The following INPP5F variants were observed in gnomAD, a reference collection of about 807,000 sequenced individuals.
INPP5F encodes phosphatidylinositide 4-phosphatase SAC2.
Under a neutral mutation model 137.2 loss-of-function variants are expected in INPP5F, and 97 were observed. The ratio of observed to expected loss-of-function variants is 0.71; its 90% confidence interval spans 0.60 to 0.84. The LOEUF is 0.84. Ranked by LOEUF, INPP5F falls within the 40% of genes least tolerant of loss-of-function variation. The pLI, the probability that INPP5F is intolerant of heterozygous loss-of-function variation, is 0.00. For synonymous variants in INPP5F, 504 were observed against 476.9 expected, an observed-to-expected ratio of 1.06 and a Z score of -0.74; for missense variants, 1,271 against 1,371.9, an observed-to-expected ratio of 0.93 and a Z score of 1.16.
chr10:119,788,690 G>C (rs540303730), intron 3 of INPP5F, among the ~76,000 whole-genome samples: 1 of 152,220 alleles, frequency 6.6e-6, no homozygotes, highest in Non-Finnish European at 1.5e-5. Context: ...ATTCTCACTT[G>C]TGTAAACATG....
chr10:119,773,143 G>A (rs563431843), intron 2 of INPP5F, among the ~76,000 whole-genome samples: 1 of 151,628 alleles, frequency 6.6e-6, no homozygotes, highest in Admixed American at 6.6e-5. Context: ...TGCAACCTTC[G>A]CCTCCTGGGG....
At chr10:119,819,589 AT>A in intron 15 of INPP5F, 1 of 1,467,860 alleles carries the variant, frequency 6.8e-7, no homozygotes, top group Non-Finnish European at 9.3e-7. Context: ...ATTTGGTATT[AT>A]TCTCTATGAA....
chr10:119,791,875 G>T lies in INPP5F; in HGVS notation c.451G>T (p.Glu151Ter), dbSNP rs750252864. Residue 151 changes from glutamate (E) to a stop codon, truncating the protein, a stop_gained, in exon 5 of 20, where the codon GAA becomes TAA. Coordinates refer to ENST00000650623, the MANE Select transcript of INPP5F (RefSeq NM_014937.4). LOFTEE classifies it high-confidence loss of function. Reference protein sequence around the residue: ...VSAPNKKKVKESKEKEKLERR... With the variant: ...VSAPNKKKVK ...GTAGATTAATTTCTTATAGGTTAAG[G>T]AAAGTAAAGAGAAGGAGAAGTTGGA... 2 of 1,602,488 alleles carry T rather than the reference G, an allele frequency of 1.2e-6. No homozygotes were observed. The highest frequency in any genetic ancestry group is 3.4e-5 in the Admixed American group (2 of 58,536).
In INPP5F at chr10:119,763,673, C is replaced by T. The variant is rs530168406; in HGVS notation, c.178+12517C>T. On this transcript the variant is annotated intron_variant, in intron 2 of 19. Coordinates refer to ENST00000650623, the MANE Select transcript of INPP5F (RefSeq NM_014937.4). Reference sequence around the variant, plus strand: ...CTTGGGCACACCTGTAGTGTTTTCCCCTGAACGGGCCTTTTTAAAAATTTC... The same window carrying T: ...CTTGGGCACACCTGTAGTGTTTTCCTCTGAACGGGCCTTTTTAAAAATTTC... 6.9e-4 allele frequency among the ~76,000 whole-genome samples: 105 copies of T among 152,324 alleles called. 1 individual carries two copies. The South Asian group carries it at 0.013, about 19-fold the overall frequency.
chr10:119,785,388 C>T (rs781021220), intron 3 of INPP5F, among the ~76,000 whole-genome samples: 2 of 149,660 alleles, frequency 1.3e-5, no homozygotes, highest in South Asian at 2.2e-4. Flanking sequence ...CGGGTTCAAA[C>T]GATTCTCCTG....
chr10:119,745,364 T>C (rs1474604140), intron 1 of INPP5F, among the ~76,000 whole-genome samples: 8 of 151,910 alleles, frequency 5.3e-5, no homozygotes, highest in East Asian at 3.9e-4. Context: ...CTTTTTTTTT[T>C]CTCGATCTCT....
intron 2 of INPP5F, among the ~76,000 whole-genome samples, chr10:119,776,908 G>T (rs1849541642): frequency 6.6e-6 from 1 of 151,962 alleles, no homozygotes; most frequent in Non-Finnish European, 1.5e-5. Context: ...GTACCACCAT[G>T]CCCAGATAAC....
chr10:119,821,487 T>C (rs949456500), intron 16 of INPP5F, among the ~76,000 whole-genome samples: 8 of 152,226 alleles, frequency 5.3e-5, no homozygotes, highest in African/African-American at 1.9e-4. Flanking sequence ...AGCACCTGTT[T>C]CCTCACACCT....
intron 1 of INPP5F, among the ~76,000 whole-genome samples, chr10:119,737,442 A>G (rs912016133): frequency 3.3e-5 from 5 of 152,184 alleles, no homozygotes; most frequent in Non-Finnish European, 7.4e-5. Flanking sequence ...AGATTTAAAG[A>G]ATACCTATTC....
intron 17 of INPP5F, among the ~76,000 whole-genome samples, 169 bp from the exon 18 acceptor site, chr10:119,822,902 A>G (rs1378004382): frequency 6.6e-6 from 1 of 152,234 alleles, no homozygotes; most frequent in Non-Finnish European, 1.5e-5. Context: ...TAAATGATTG[A>G]AATTGAAAGA....
intron 15 of INPP5F, among the ~76,000 whole-genome samples, chr10:119,812,968 C>T (rs2134263335): frequency 6.6e-6 from 1 of 151,834 alleles, no homozygotes; most frequent in African/African-American, 2.4e-5. Flanking sequence ...TAACTGCTGG[C>T]AGCACACCTG....
At chr10:119,738,024 G>T (rs1848264768) in intron 1 of INPP5F, among the ~76,000 whole-genome samples, 1 of 152,146 alleles carries the variant, frequency 6.6e-6, no homozygotes, top group African/African-American at 2.4e-5. Context: ...AGTGACTCAT[G>T]CTCTGTGCAG....
intron 9 of INPP5F, among the ~76,000 whole-genome samples, chr10:119,801,870 C>T (rs1028944613): frequency 1.3e-5 from 2 of 152,242 alleles, no homozygotes; most frequent in African/African-American, 2.4e-5. Flanking sequence ...CCGCCTCCCA[C>T]ACTCATCCTG....
At chr10:119,790,163 G>C (rs564792387) in intron 3 of INPP5F, among the ~76,000 whole-genome samples, 1 of 152,118 alleles carries the variant, frequency 6.6e-6, no homozygotes, top group South Asian at 2.1e-4. Context: ...GAGTCGCTCG[G>C]GGGTGTGCAG....
At chr10:119,741,529 A>T (rs892287205) in intron 1 of INPP5F, among the ~76,000 whole-genome samples, 3 of 151,886 alleles carry the variant, frequency 2.0e-5, no homozygotes, top group Non-Finnish European at 4.4e-5. Context: ...TTTATTTATT[A>T]ATTTTAATTT....
chr10:119,806,876 C>T (rs981510337), intron 12 of INPP5F, among the ~76,000 whole-genome samples: 2 of 151,010 alleles, frequency 1.3e-5, no homozygotes, highest in African/African-American at 2.4e-5. Context: ...GAGCTGCTGA[C>T]GGGAGGAACA....
At chr10:119,806,920 T>C (rs920158805) in intron 12 of INPP5F, among the ~76,000 whole-genome samples, 1 of 151,956 alleles carries the variant, frequency 6.6e-6, no homozygotes, top group Non-Finnish European at 1.5e-5. Flanking sequence ...TTCTTCCTCC[T>C]GTCTCATGGG....
chr10:119,746,430 T>G (rs1201118944), intron 1 of INPP5F, among the ~76,000 whole-genome samples: 1 of 152,184 alleles, frequency 6.6e-6, no homozygotes, highest in Non-Finnish European at 1.5e-5. Context: ...TAGCTGGAGC[T>G]CTTTCCTTAG....
chr10:119,815,421 CAG>C (rs1426159642), intron 15 of INPP5F: 4 of 153,054 alleles, frequency 2.6e-5, no homozygotes, highest in African/African-American at 7.2e-5. Flanking sequence ...ATAGACCCGT[CAG>C]AGTCACTGGC....
Sources: gnomAD v4.1 joint callset for allele counts (sites outside exome capture counted in the v4.1 genomes callset) on GRCh38, gnomAD v4.1.1 for gene constraint, MANE v1.5 for transcripts, NCBI Gene and HGNC (gene_info 2026-07-23, HGNC 2026-07-21) for gene names.